NUP214: variants seen among roughly 807,000 people sequenced by gnomAD.
NUP214 encodes nucleoporin 214.
Under a neutral mutation model 196.2 loss-of-function variants are expected in NUP214, and 79 were observed. That is an observed-to-expected ratio of 0.40 (90% CI 0.34 to 0.49). The LOEUF is 0.49. NUP214 is among the 20% of genes least tolerant of loss of function. The pLI, the probability that NUP214 is intolerant of heterozygous loss-of-function variation, is 0.58. For missense variants in NUP214, 2,468 were observed against 2,539.0 expected, an observed-to-expected ratio of 0.97 and a Z score of 0.60; for synonymous variants, 1,020 against 990.5, an observed-to-expected ratio of 1.03 and a Z score of -0.56.
At chr9:131,219,692 C>CTAAA (rs1834504078) in intron 31 of NUP214, among the ~76,000 whole-genome samples, 1 of 152,244 alleles carries the variant, frequency 6.6e-6, no homozygotes, top group African/African-American at 2.4e-5. Context: ...CCTGAGGACA[C>CTAAA]TGTGTAGGGC....
chr9:131,175,629 C>CTGT lies in NUP214; in HGVS notation c.3319+9_3319+11dup. The stretch of plus-strand genomic sequence containing the variant: ...TGGCCAGTCAGGCACCAGGTAAAAG[C>CTGT]TGTAGCCCCATACCTGTACAGAGGC... On this transcript the variant is annotated intron_variant, in intron 23 of 35. Coordinates refer to ENST00000359428, the MANE Select transcript of NUP214 (RefSeq NM_005085.4). 1 of 1,614,010 alleles carries CTGT rather than the reference C, an allele frequency of 6.2e-7. No individual in the cohort carries two copies.
chr9:131,191,498 A>G (rs1286760470), intron 26 of NUP214: 1 of 152,192 alleles, frequency 6.6e-6, no homozygotes. Context: ...GTAGAGCAGT[A>G]GGGAAAAGAT....
chr9:131,160,190 C>T (rs1564190153), intron 18 of NUP214, among the ~76,000 whole-genome samples: 2 of 151,642 alleles, frequency 1.3e-5, no homozygotes, highest in Non-Finnish European at 2.9e-5. Flanking sequence ...AACTATTTCG[C>T]TATAATTATT....
chr9:131,215,437 A>C, intron 31 of NUP214, 69 bp downstream of exon 31: 1 of 1,344,134 alleles, frequency 7.4e-7, no homozygotes, highest in Non-Finnish European at 9.7e-7. Context: ...GGTGTTATCA[A>C]AGCTTCAGTG....
At position 131,132,672 on chromosome 9, in the gene NUP214, T is replaced by C. The variant is rs1487632374; in HGVS notation, c.727+13T>C. On this transcript the variant is annotated intron_variant, in intron 6 of 35. Coordinates refer to ENST00000359428, the MANE Select transcript of NUP214 (RefSeq NM_005085.4). ...CATCCTGTCAGAGGTAACAACTGCT[T>C]TTCTTATTGGGCTGACCTCTAATGA... 1.2e-6 allele frequency: 2 copies of C among 1,610,464 alleles called. No homozygotes were observed. The highest frequency in any genetic ancestry group is 3.3e-5 in the Admixed American group (2 of 60,016).
chr9:131,169,312 G>C (rs1056058694), intron 21 of NUP214, among the ~76,000 whole-genome samples: 6 of 151,980 alleles, frequency 3.9e-5, no homozygotes, highest in African/African-American at 1.4e-4. Context: ...CGGATTACAG[G>C]TGTGAGCCAC....
intron 7 of NUP214, among the ~76,000 whole-genome samples, chr9:131,133,453 C>T (rs906852846): frequency 2.0e-5 from 3 of 151,796 alleles, no homozygotes; most frequent in Non-Finnish European, 2.9e-5. Context: ...TACAGGTGCA[C>T]ACCACTATGC....
In NUP214 at chr9:131,125,838, C is replaced by CCCGCCTCCTGCTTGAACAGTTTA; in HGVS notation, c.45+94_45+116dup. On this transcript the variant is annotated intron_variant, in intron 1 of 35. Transcript: ENST00000359428. This position sits in a 1 kb window ranked among gnomAD's most constrained non-coding sequence, Gnocchi z 4.1. ...AAAGGCGAAGCGCGGTGCTGGCTGTCCCGCCTCCTGCTTGAACAGTTTACC... is the reference window on the plus strand; with the variant it reads ...AAAGGCGAAGCGCGGTGCTGGCTGTCCCGCCTCCTGCTTGAACAGTTTACCGCCTCCTGCTTGAACAGTTTACC... The CCCGCCTCCTGCTTGAACAGTTTA allele has an allele frequency of 6.9e-7, 1 of 1,440,110 alleles. No individual in the cohort carries two copies. The highest frequency in any genetic ancestry group is 9.5e-7 in the Non-Finnish European group (1 of 1,051,248). 89.2% of individuals were successfully genotyped at this position (1,440,110 alleles called of 1,614,324 possible). A position where few individuals can be genotyped will look rare whatever the true frequency, so the allele number is the denominator to read the frequency against.
At position 131,144,622 on chromosome 9, in the gene NUP214, T is replaced by C. The variant is rs1463267310; in HGVS notation, c.1637T>C (p.Phe546Ser). Residue 546 changes from phenylalanine (F) to serine (S), a missense_variant, in exon 12 of 36, where the codon TTC becomes TCC. Physicochemically the swap from Phe to Ser is radical, Grantham distance 155. This residue lies in a region of NUP214 where 1,801 missense variants were observed against 1,779.4 expected (regional missense o/e 1.01). Coordinates refer to ENST00000359428, the MANE Select transcript of NUP214 (RefSeq NM_005085.4). ...ASPVAPSAAS[F>S]SFGSSGFKPT... ...CCTGTGGCTCCATCAGCTGCTTCAT[T>C]CTCCTTTGGATCATCTGGTTTTAAG... 1 of 1,614,004 alleles carries C rather than the reference T, an allele frequency of 6.2e-7. No homozygotes were observed. Among genetic ancestry groups the C allele is most frequent in the Admixed American group, 1.7e-5 (1 of 59,992 alleles).
chr9:131,218,164 T>C (rs963042319), intron 31 of NUP214, among the ~76,000 whole-genome samples: 2 of 152,212 alleles, frequency 1.3e-5, no homozygotes, highest in Non-Finnish European at 2.9e-5. Flanking sequence ...GAAGTTTAAG[T>C]GATTTTGAAG....
chr9:131,184,106 T>C (rs1833380457), intron 24 of NUP214, among the ~76,000 whole-genome samples: 1 of 135,808 alleles, frequency 7.4e-6, no homozygotes, highest in Admixed American at 7.6e-5. Flanking sequence ...TCTCAGCTCA[T>C]TCCAACCTCC....
At chr9:131,142,896 C>T (rs1343963938) in intron 11 of NUP214, among the ~76,000 whole-genome samples, 2 of 152,038 alleles carry the variant, frequency 1.3e-5, no homozygotes, top group African/African-American at 4.8e-5. Flanking sequence ...CAACCAAGTC[C>T]TATTAATATA....
chr9:131,202,311 G>T (rs988055672), intron 30 of NUP214, among the ~76,000 whole-genome samples: 1 of 152,108 alleles, frequency 6.6e-6, no homozygotes, highest in East Asian at 1.9e-4. Context: ...CTTTTGGGGG[G>T]TTTGTTGTTG....
chr9:131,195,152 T>C (rs749144960), intron 27 of NUP214, 81 bp from the exon 28 acceptor site: 12 of 992,932 alleles, frequency 1.2e-5, no homozygotes, highest in Non-Finnish European at 1.7e-5. Context: ...TTTGTATGAA[T>C]GAATGATAAA....
At chr9:131,167,983 G>A (rs577987585) in intron 21 of NUP214, among the ~76,000 whole-genome samples, 1 of 152,300 alleles carries the variant, frequency 6.6e-6, no homozygotes, top group South Asian at 2.1e-4. Context: ...CTCCGTGGCT[G>A]AAGCGATCCT....
At chr9:131,156,349 G>A (rs1326595121) in intron 17 of NUP214, among the ~76,000 whole-genome samples, 3 of 151,870 alleles carry the variant, frequency 2.0e-5, no homozygotes, top group African/African-American at 7.3e-5. Flanking sequence ...AGCCAGGATG[G>A]TCTCGATCTC....
chr9:131,160,154 A>G (rs1008153418), intron 18 of NUP214, among the ~76,000 whole-genome samples: 36 of 152,094 alleles, frequency 2.4e-4, no homozygotes, highest in Non-Finnish European at 2.5e-4. Context: ...TACATATTCT[A>G]TGTTCTACAA....
chr9:131,126,086 G>A (rs1158156101), intron 1 of NUP214: 1 of 341,784 alleles, frequency 2.9e-6, no homozygotes, highest in Non-Finnish European at 5.4e-6. Context: ...AGTCGTTAAC[G>A]TAGAGGAGTA....
Position 131,174,103 on chromosome 9 carries a change from T to C in NUP214, c.2942T>C (p.Leu981Ser). 3.1e-6 allele frequency: 5 copies of C among 1,613,760 alleles called. No homozygotes were observed. Among genetic ancestry groups the C allele is most frequent in the Non-Finnish European group, 4.2e-6 (5 of 1,179,922 alleles). ...AFLSQRYYED[L>S]DEVSSTSSVS... ...CTGTCTCAGAGATATTATGAAGACT[T>C]GGATGAAGTCAGCTCAACGTCATCT... The change falls in exon 22 of 36, where the codon TTG (leucine) becomes TCG (serine). Residue 981 changes from leucine (L) to serine (S), a missense_variant. By Grantham distance (145) the Leu-to-Ser change is moderately radical. Around this residue, in one of 5 missense-constraint regions of NUP214, gnomAD observed 1,801 missense variants for 1,779.4 expected, o/e 1.01. Coordinates refer to ENST00000359428, the MANE Select transcript of NUP214 (RefSeq NM_005085.4).
Sources: allele counts gnomAD v4.1 joint callset (sites outside exome capture counted in the v4.1 genomes callset), GRCh38; gene constraint gnomAD v4.1.1; regional missense constraint gnomAD v4.1.1; non-coding constraint Gnocchi (gnomAD v3.1); transcripts MANE v1.5; gene names NCBI Gene and HGNC (gene_info 2026-07-23, HGNC 2026-07-21).